Variants in PDE11A observed in about 807,000 individuals in gnomAD.
PDE11A encodes phosphodiesterase 11A, also known as dual 3',5'-cyclic-AMP and -GMP phosphodiesterase 11A.
Under a neutral mutation model 100.5 loss-of-function variants are expected in PDE11A, and 100 were observed. The observed-to-expected ratio is 1.00, with a 90% CI of 0.85 to 1.18. The LOEUF (loss-of-function observed/expected upper bound fraction) is 1.18. Ranked by LOEUF, PDE11A falls within the 50% of genes most tolerant of loss-of-function variation. The pLI is 0.00. For missense variants in PDE11A, 1,141 were observed against 1,152.6 expected, an observed-to-expected ratio of 0.99 and a Z score of 0.15; for synonymous variants, 381 against 420.8, an observed-to-expected ratio of 0.91 and a Z score of 1.16.
At chr2:177,935,269 A>G (rs1574290396) in intron 2 of PDE11A, among the ~76,000 whole-genome samples, 1 of 151,864 alleles carries the variant, frequency 6.6e-6, no homozygotes, top group Admixed American at 6.6e-5. Flanking sequence ...CAACACCTCA[A>G]CTCTTACCCA....
At chr2:177,845,162 G>GGGGGCT (rs2083563461) in intron 5 of PDE11A, among the ~76,000 whole-genome samples, 1 of 149,690 alleles carries the variant, frequency 6.7e-6, no homozygotes, top group Non-Finnish European at 1.5e-5. Flanking sequence ...CTGGCCGGGC[G>GGGGGCT]GGGGGCTGAC....
At chr2:177,670,019 C>T (rs2080652425) in intron 17 of PDE11A, among the ~76,000 whole-genome samples, 2 of 152,274 alleles carry the variant, frequency 1.3e-5, no homozygotes, top group African/African-American at 4.8e-5. Context: ...CTTCAATTTG[C>T]CACATGAAAA....
At chr2:177,703,851 G>A (rs2164860) in intron 13 of PDE11A, among the ~76,000 whole-genome samples, 98,290 of 152,102 alleles carry the variant, frequency 0.65, 34,611 homozygotes, top group East Asian at 0.84. Flanking sequence ...CTTCCTGTGC[G>A]TAGGATGGAG....
At chr2:177,673,648 T>A (rs7578325) in intron 17 of PDE11A, among the ~76,000 whole-genome samples, 1 of 152,060 alleles carries the variant, frequency 6.6e-6, no homozygotes, top group Non-Finnish European at 1.5e-5. Flanking sequence ...CCGTGACTGA[T>A]GGGACATTTG....
chr2:177,678,802 A>G (rs1224067547), intron 16 of PDE11A, among the ~76,000 whole-genome samples: 1 of 152,196 alleles, frequency 6.6e-6, no homozygotes, highest in East Asian at 1.9e-4. Context: ...GTAGGAAAAT[A>G]TCTAGGCAGA....
intron 9 of PDE11A, among the ~76,000 whole-genome samples, chr2:177,778,713 A>G (rs1477244853): frequency 6.6e-6 from 1 of 152,232 alleles, no homozygotes; most frequent in Non-Finnish European, 1.5e-5. Context: ...ATCTAACTAT[A>G]TGAAGAACCA....
chr2:178,099,533 A>C (rs892621172), intron 2 of PDE11A, among the ~76,000 whole-genome samples: 3 of 152,156 alleles, frequency 2.0e-5, no homozygotes, highest in African/African-American at 7.2e-5. Flanking sequence ...GGAAATGAAA[A>C]CCAAAACCAC....
chr2:177,767,073 T>C (rs1489608982), intron 10 of PDE11A, among the ~76,000 whole-genome samples: 3 of 152,224 alleles, frequency 2.0e-5, no homozygotes, highest in African/African-American at 7.2e-5. Flanking sequence ...GGCTCATGCC[T>C]GTAATCCCAG....
At chr2:177,772,001 C>CAATAAATAAATAAATA (rs57220935) in intron 9 of PDE11A, among the ~76,000 whole-genome samples, 34 of 149,402 alleles carry the variant, frequency 2.3e-4, no homozygotes, top group African/African-American at 8.0e-4. Context: ...GACTCTGTCT[C>CAATAAATAAATAAATA]AATAAATAAA....
At chr2:177,837,788 G>A (rs1426785304) in intron 6 of PDE11A, among the ~76,000 whole-genome samples, 5 of 152,128 alleles carry the variant, frequency 3.3e-5, no homozygotes, top group Admixed American at 3.3e-4. Context: ...AGGCTTGTTG[G>A]TTTCACCTGT....
At chr2:177,662,308 A>G (rs2080495741) in intron 19 of PDE11A, among the ~76,000 whole-genome samples, 1 of 152,206 alleles carries the variant, frequency 6.6e-6, no homozygotes, top group Admixed American at 6.5e-5. Flanking sequence ...AGCTTTGCAA[A>G]CTAGTACCAA....
intron 1 of PDE11A, among the ~76,000 whole-genome samples, chr2:178,055,086 T>A (rs2086881342): frequency 6.6e-6 from 1 of 152,110 alleles, no homozygotes; most frequent in African/African-American, 2.4e-5. Context: ...AGCAAAGACT[T>A]GGAACCAACC....
intron 13 of PDE11A, among the ~76,000 whole-genome samples, chr2:177,706,778 G>A (rs1299005157): frequency 1.3e-5 from 2 of 152,120 alleles, no homozygotes; most frequent in African/African-American, 4.8e-5. Flanking sequence ...ATCATGTGAT[G>A]TGAGGATGCA....
At chr2:177,837,476 C>CTTT (rs35254631) in intron 6 of PDE11A, among the ~76,000 whole-genome samples, 2 of 141,728 alleles carry the variant, frequency 1.4e-5, no homozygotes, top group Non-Finnish European at 1.5e-5. Context: ...TTCTTTCTTT[C>CTTT]TTTTTTTTTT....
intron 1 of PDE11A, among the ~76,000 whole-genome samples, chr2:178,022,501 G>A (rs549581862): frequency 1.3e-5 from 2 of 151,712 alleles, no homozygotes; most frequent in African/African-American, 4.9e-5. Context: ...TTAATTTCAG[G>A]AAAAGGACTT....
At chr2:177,986,604 G>A (rs1352302802) in intron 2 of PDE11A, among the ~76,000 whole-genome samples, 1 of 152,074 alleles carries the variant, frequency 6.6e-6, no homozygotes, top group African/African-American at 2.4e-5. Context: ...GGCCGAGGTG[G>A]GAGGATCACG....
intron 2 of PDE11A, among the ~76,000 whole-genome samples, chr2:178,084,927 C>T (rs1362560698): frequency 6.6e-6 from 1 of 152,112 alleles, no homozygotes; most frequent in African/African-American, 2.4e-5. Flanking sequence ...ATTATGTATG[C>T]CACATCTAAG....
At chr2:178,091,891 G>A (rs1480862977) in intron 2 of PDE11A, among the ~76,000 whole-genome samples, 1 of 152,070 alleles carries the variant, frequency 6.6e-6, no homozygotes, top group Non-Finnish European at 1.5e-5. Context: ...CTCAGGATTA[G>A]CAGAGTATCT....
At chr2:177,705,168 T>C (rs938814924) in intron 13 of PDE11A, among the ~76,000 whole-genome samples, 2 of 152,106 alleles carry the variant, frequency 1.3e-5, no homozygotes, top group Non-Finnish European at 2.9e-5. Context: ...AAAGAGGTCA[T>C]GTCTCTCACA....
Sources: allele counts gnomAD v4.1 joint callset (sites outside exome capture counted in the v4.1 genomes callset), GRCh38; gene constraint gnomAD v4.1.1; transcripts MANE v1.5; gene names NCBI Gene and HGNC (gene_info 2026-07-23, HGNC 2026-07-21).